Variants in GNA14 observed in about 807,000 individuals in gnomAD.
GNA14 encodes guanine nucleotide-binding protein subunit alpha-14.
GNA14 carries 50 observed loss-of-function variants against 42.0 expected under a neutral mutation model. The ratio of observed to expected loss-of-function variants is 1.19; its 90% CI spans 0.95 to 1.51. The LOEUF (loss-of-function observed/expected upper bound fraction) is 1.51. GNA14 is among the 40% of genes most tolerant of loss of function. GNA14 has a pLI of 0.00. For synonymous variants in GNA14, 173 were observed against 163.1 expected (o/e 1.06, Z -0.46); for missense variants, 473 against 446.2 (o/e 1.06, Z -0.54).
At chr9:77,642,494 G>A (rs919330850) in intron 1 of GNA14, among the ~76,000 whole-genome samples, 4 of 152,254 alleles carry the variant, frequency 2.6e-5, no homozygotes, top group East Asian at 1.9e-4. Flanking sequence ...GGCCAGGTAC[G>A]GTGGCTCATG....
At chr9:77,599,707 TG>T (rs1315831628) in intron 1 of GNA14, among the ~76,000 whole-genome samples, 2 of 152,186 alleles carry the variant, frequency 1.3e-5, no homozygotes, top group Non-Finnish European at 2.9e-5. Flanking sequence ...GAGGGTGTGC[TG>T]GGCAGCGCGC....
chr9:77,484,815 A>G (rs1460497560), intron 2 of GNA14, among the ~76,000 whole-genome samples: 1 of 152,188 alleles, frequency 6.6e-6, no homozygotes, highest in African/African-American at 2.4e-5. Context: ...AGTACATACA[A>G]AAGTTAGGTT....
At chr9:77,618,488 G>A (rs1823857694) in intron 1 of GNA14, among the ~76,000 whole-genome samples, 1 of 149,668 alleles carries the variant, frequency 6.7e-6, no homozygotes, top group South Asian at 2.1e-4. Flanking sequence ...GTTACGTGGA[G>A]CCATTGTGTA....
At chr9:77,514,946 A>T (rs1320955742) in intron 2 of GNA14, among the ~76,000 whole-genome samples, 1 of 152,180 alleles carries the variant, frequency 6.6e-6, no homozygotes, top group East Asian at 1.9e-4. Flanking sequence ...AAATGAAGTT[A>T]GCTATTTATG....
intron 2 of GNA14, among the ~76,000 whole-genome samples, chr9:77,459,238 GGAAAAAAAA>G (rs71356602): frequency 0.079 from 8,470 of 106,590 alleles, 763 homozygotes; most frequent in African/African-American, 0.29. Flanking sequence ...CCAGTCTCAG[GGAAAAAAAA>G]GAAAAAAAAG....
intron 1 of GNA14, among the ~76,000 whole-genome samples, chr9:77,624,460 C>G (rs1037730601): frequency 8.5e-5 from 13 of 152,196 alleles, no homozygotes; most frequent in African/African-American, 3.1e-4. Context: ...CCCTGACTCC[C>G]ATGCCTCTTG....
chr9:77,618,597 TATATATATATATA>T (rs1465405372), intron 1 of GNA14, among the ~76,000 whole-genome samples: 1 of 11,592 alleles, frequency 8.6e-5, no homozygotes, highest in Non-Finnish European at 2.3e-4. Flanking sequence ...TATATATATA[TATATATATATATA>T]TATATATATA....
intron 2 of GNA14, among the ~76,000 whole-genome samples, chr9:77,493,001 AGG>A (rs1491285168): frequency 1.8e-5 from 1 of 54,650 alleles, no homozygotes; most frequent in Non-Finnish European, 3.2e-5. Context: ...ACTCCGTCTC[AGG>A]AAAAAAAAAA....
chr9:77,638,802 G>A (rs1291221114), intron 1 of GNA14, among the ~76,000 whole-genome samples: 1 of 152,206 alleles, frequency 6.6e-6, no homozygotes, highest in Non-Finnish European at 1.5e-5. Flanking sequence ...CAGGTGAATT[G>A]CAGCTTTGGA....
intron 1 of GNA14, among the ~76,000 whole-genome samples, chr9:77,616,965 G>A (rs1010193551): frequency 6.6e-6 from 1 of 152,146 alleles, no homozygotes; most frequent in Non-Finnish European, 1.5e-5. Flanking sequence ...CGCCTCCCGG[G>A]TTCACGCCAT....
chr9:77,614,565 G>A (rs1823780803), intron 1 of GNA14, among the ~76,000 whole-genome samples: 1 of 152,104 alleles, frequency 6.6e-6, no homozygotes, highest in African/African-American at 2.4e-5. Context: ...ACAAGGAGAT[G>A]GATTCTTCGT....
chr9:77,596,562 T>C (rs528340169), intron 1 of GNA14, among the ~76,000 whole-genome samples: 2 of 152,200 alleles, frequency 1.3e-5, no homozygotes, highest in Non-Finnish European at 2.9e-5. Flanking sequence ...TATATGCTTG[T>C]TGGGGGCATA....
chr9:77,444,473 G>C (rs982411568), intron 2 of GNA14, among the ~76,000 whole-genome samples: 2 of 152,158 alleles, frequency 1.3e-5, no homozygotes, highest in Admixed American at 6.5e-5. Flanking sequence ...CACCTGTGCA[G>C]GTTCCACTTC....
At chr9:77,614,965 G>A (rs1823787582) in intron 1 of GNA14, among the ~76,000 whole-genome samples, 1 of 152,206 alleles carries the variant, frequency 6.6e-6, no homozygotes, top group South Asian at 2.1e-4. Context: ...AAGCCAGCTT[G>A]CCTCCTAAAG....
chr9:77,532,108 C>A (rs983700374), intron 1 of GNA14, among the ~76,000 whole-genome samples: 4 of 152,204 alleles, frequency 2.6e-5, no homozygotes, highest in African/African-American at 9.6e-5. Flanking sequence ...CTCAGCATCA[C>A]CCAGCTAGTG....
intron 1 of GNA14, among the ~76,000 whole-genome samples, chr9:77,606,165 C>G (rs1239811207): frequency 6.6e-6 from 1 of 152,116 alleles, no homozygotes; most frequent in African/African-American, 2.4e-5. Flanking sequence ...CCTTTTAAAG[C>G]CTTGACCCAG....
intron 2 of GNA14, among the ~76,000 whole-genome samples, chr9:77,483,941 G>T (rs978910616): frequency 4.6e-5 from 7 of 152,188 alleles, no homozygotes; most frequent in Non-Finnish European, 5.9e-5. Context: ...CAAAATCAGA[G>T]TGAGAATGAC....
At chr9:77,572,390 C>T (rs1216461515) in intron 1 of GNA14, among the ~76,000 whole-genome samples, 1 of 152,074 alleles carries the variant, frequency 6.6e-6, no homozygotes, top group Non-Finnish European at 1.5e-5. Context: ...GTCAGTCCTA[C>T]CTTTAGACAT....
intron 6 of GNA14, among the ~76,000 whole-genome samples, chr9:77,424,867 C>G (rs1385000902): frequency 6.6e-6 from 1 of 152,026 alleles, no homozygotes; most frequent in Non-Finnish European, 1.5e-5. Context: ...CACTACACAG[C>G]CAGTATGGTT....
Sources: allele counts gnomAD v4.1 joint callset (sites outside exome capture counted in the v4.1 genomes callset), GRCh38; gene constraint gnomAD v4.1.1; transcripts MANE v1.5; gene names NCBI Gene and HGNC (gene_info 2026-07-23, HGNC 2026-07-21).